Variants in HORMAD2 observed in about 807,000 individuals in gnomAD.
HORMAD2 encodes HORMA domain-containing protein 2.
A neutral mutation model predicts 38.8 loss-of-function variants in HORMAD2; 45 were observed. The observed-to-expected ratio is 1.16, with a 90% confidence interval of 0.91 to 1.49. HORMAD2 has a LOEUF of 1.49. Ranked by LOEUF, HORMAD2 falls within the 40% of genes most tolerant of loss-of-function variation. The probability of loss-of-function intolerance (pLI) is 0.00; values close to 1 mark genes in which losing one functional copy is unlikely to be tolerated. For synonymous variants in HORMAD2, 126 were observed against 122.8 expected (o/e 1.03, Z -0.17); for missense variants, 338 against 367.0 (o/e 0.92, Z 0.65).
chr22:30,083,793 A>G (rs1369186623), intron 1 of HORMAD2, among the ~76,000 whole-genome samples: 2 of 152,124 alleles, frequency 1.3e-5, no homozygotes, highest in Admixed American at 6.6e-5. Context: ...AGTAGAGACG[A>G]AGTTTCACCA....
intron 1 of HORMAD2, among the ~76,000 whole-genome samples, chr22:30,088,403 A>G (rs1373728133): frequency 1.3e-5 from 2 of 151,524 alleles, no homozygotes; most frequent in African/African-American, 2.4e-5. Context: ...CTTTCTCAAT[A>G]GCAAGTGTCC....
chr22:30,164,190 A>C lies in HORMAD2; in HGVS notation c.820-11873A>C, dbSNP rs530969333. ...TGTATATACCATATTTTGTTTATCCATTCATCTATTGATGGACAGGTGGGT... is the reference window on the plus strand; with the variant it reads ...TGTATATACCATATTTTGTTTATCCCTTCATCTATTGATGGACAGGTGGGT... On this transcript the variant is annotated intron_variant, in intron 10 of 10. Transcript: ENST00000336726. 1.6e-4 allele frequency among the ~76,000 whole-genome samples: 25 copies of C among 152,296 alleles called. No homozygotes were observed. In the South Asian group the frequency reaches 4.4e-3, roughly 27 times the overall value.
At chr22:30,080,045 C>G (rs528665678), upstream of HORMAD2, 3 of 152,378 alleles carry the variant, frequency 2.0e-5, no homozygotes, top group South Asian at 6.2e-4. Flanking sequence ...CCTACGCCGC[C>G]CCGCGCCCGC....
At chr22:30,096,197 T>G (rs2068778809) in intron 2 of HORMAD2, among the ~76,000 whole-genome samples, 1 of 152,212 alleles carries the variant, frequency 6.6e-6, no homozygotes, top group Non-Finnish European at 1.5e-5. Context: ...GATGAGCATT[T>G]GGGTGGTTTC....
At chr22:30,150,333 G>A (rs928716354) in intron 10 of HORMAD2, among the ~76,000 whole-genome samples, 5 of 151,986 alleles carry the variant, frequency 3.3e-5, no homozygotes, top group African/African-American at 4.8e-5. Flanking sequence ...ATTTCCAAGC[G>A]CTTGTTGTTG....
intron 1 of HORMAD2, among the ~76,000 whole-genome samples, chr22:30,083,248 A>G (rs975909501): frequency 3.3e-5 from 5 of 152,170 alleles, no homozygotes; most frequent in Non-Finnish European, 5.9e-5. Context: ...GCCTGGGTAA[A>G]CAGAGTAAGA....
intron 10 of HORMAD2, among the ~76,000 whole-genome samples, chr22:30,124,094 T>A (rs1260425311): frequency 1.3e-5 from 2 of 152,138 alleles, no homozygotes; most frequent in Non-Finnish European, 2.9e-5. Flanking sequence ...ATACATTTAG[T>A]TGAAACTATA....
chr22:30,163,972 C>T (rs1480695059), intron 10 of HORMAD2, among the ~76,000 whole-genome samples: 1 of 152,008 alleles, frequency 6.6e-6, no homozygotes, highest in Non-Finnish European at 1.5e-5. Flanking sequence ...CCCCATAGTC[C>T]CTGGCAATCA....
At chr22:30,110,953 C>T (rs1319452825) in intron 5 of HORMAD2, among the ~76,000 whole-genome samples, 2 of 150,842 alleles carry the variant, frequency 1.3e-5, no homozygotes, top group Non-Finnish European at 3.0e-5. Context: ...GTCAGAAGAT[C>T]GAGACCATCC....
At chr22:30,088,798 A>G (rs950266820) in intron 1 of HORMAD2, among the ~76,000 whole-genome samples, 1 of 151,878 alleles carries the variant, frequency 6.6e-6, no homozygotes, top group African/African-American at 2.4e-5. Flanking sequence ...TCTCTTATTT[A>G]TTGTGTCTAA....
chr22:30,146,776 G>C (rs566247364), intron 10 of HORMAD2, among the ~76,000 whole-genome samples: 1 of 152,230 alleles, frequency 6.6e-6, no homozygotes, highest in African/African-American at 2.4e-5. Context: ...AGAATGACAT[G>C]ACTGTATAAT....
chr22:30,133,579 C>T, intron 10 of HORMAD2, among the ~76,000 whole-genome samples: 1 of 150,308 alleles, frequency 6.7e-6, no homozygotes, highest in African/African-American at 2.4e-5. Flanking sequence ...TGCAATTGGC[C>T]CTTTGTATCT....
chr22:30,116,100 A>G (rs113044070), intron 7 of HORMAD2, among the ~76,000 whole-genome samples: 4 of 152,188 alleles, frequency 2.6e-5, no homozygotes, highest in African/African-American at 4.8e-5. Context: ...TATTATTATT[A>G]TCATTAACCG....
chr22:30,086,374 T>A (rs775396879), intron 1 of HORMAD2, among the ~76,000 whole-genome samples: 2 of 152,078 alleles, frequency 1.3e-5, no homozygotes, highest in African/African-American at 2.4e-5. Flanking sequence ...TGAGTAGGAA[T>A]TGGGAATGGA....
At chr22:30,164,057 C>T (rs1419285869) in intron 10 of HORMAD2, among the ~76,000 whole-genome samples, 1 of 152,112 alleles carries the variant, frequency 6.6e-6, no homozygotes, top group Admixed American at 6.5e-5. Context: ...AATATTTGTT[C>T]TTTTTTGACT....
chr22:30,186,698 C>G, the HORMAD2 span, among the ~76,000 whole-genome samples: 1 of 152,148 alleles, frequency 6.6e-6, no homozygotes, highest in African/African-American at 2.4e-5. Context: ...CTCTGCACCT[C>G]CCAGGCCTAC....
intron 10 of HORMAD2, among the ~76,000 whole-genome samples, chr22:30,155,882 C>G (rs562025634): frequency 6.6e-6 from 1 of 152,256 alleles, no homozygotes; most frequent in East Asian, 1.9e-4. Context: ...TCTTTGCCAC[C>G]TTCCTTGTAC....
intron 1 of HORMAD2, among the ~76,000 whole-genome samples, chr22:30,087,170 G>T (rs1385777095): frequency 6.6e-6 from 1 of 152,140 alleles, no homozygotes; most frequent in Non-Finnish European, 1.5e-5. Context: ...CTACATTTGA[G>T]AAATATTAAG....
intron 2 of HORMAD2, among the ~76,000 whole-genome samples, chr22:30,095,474 G>A (rs1342532048): frequency 6.6e-6 from 1 of 152,148 alleles, no homozygotes; most frequent in African/African-American, 2.4e-5. Flanking sequence ...TGTGGAGTTA[G>A]CCATGTCCCC....
Sources: allele counts gnomAD v4.1 joint callset (sites outside exome capture counted in the v4.1 genomes callset), GRCh38; gene constraint gnomAD v4.1.1; transcripts MANE v1.5; gene names NCBI Gene and HGNC (gene_info 2026-07-23, HGNC 2026-07-21).